The following ZNF749 variants were observed in gnomAD, a reference collection of about 807,000 sequenced individuals.
ZNF749 encodes the protein zinc finger protein 749.
In ZNF749, 8 loss-of-function variants were observed where a neutral mutation model predicts 7.3. That is an observed-to-expected ratio of 1.10 (90% CI 0.64 to 1.98). ZNF749 has a LOEUF of 1.98. ZNF749 is among the 30% of genes most tolerant of loss of function. ZNF749 has a pLI of 0.00. For missense variants in ZNF749, 898 were observed against 932.4 expected, an observed-to-expected ratio of 0.96 and a Z score of 0.48; for synonymous variants, 310 against 322.4, an observed-to-expected ratio of 0.96 and a Z score of 0.41.
In ZNF749 at chr19:57,444,407, G is replaced by GC; in HGVS notation, c.1261dup (p.Leu421ProfsTer4). Reference sequence around the variant, plus strand: ...TGTAGCGAATGTGGGAAAGCCTTTAGCCTCAAACATAATGTTGTTCAGCAT... The same window carrying GC: ...TGTAGCGAATGTGGGAAAGCCTTTAGCCCTCAAACATAATGTTGTTCAGCAT... On this transcript the variant is annotated frameshift_variant, in exon 3 of 3. Coordinates refer to ENST00000334181, the MANE Select transcript of ZNF749 (RefSeq NM_001023561.4). LOFTEE classifies it low-confidence loss of function (END_TRUNC). 6.2e-6 allele frequency: 10 copies of GC among 1,614,038 alleles called. No homozygotes were observed. Among genetic ancestry groups the GC allele is most frequent in the Non-Finnish European group, 8.5e-6 (10 of 1,179,936 alleles).
intron 1 of ZNF749, among the ~76,000 whole-genome samples, chr19:57,440,504 C>T (rs575647322): frequency 5.9e-5 from 9 of 151,994 alleles, no homozygotes; most frequent in Non-Finnish European, 8.8e-5. Context: ...GAACAGGGCT[C>T]GGTGCTGCCC....
Position 57,446,226 on chromosome 19 carries a change from C to T in ZNF749, c.*741C>T, listed in dbSNP as rs2089063811. The stretch of plus-strand genomic sequence containing the variant: ...CATTAGATTCTCATAGCAGCCTGAG[C>T]CCTATTGTGAACTGTGCCTGTGAGG... On this transcript the variant is annotated 3_prime_UTR_variant, in exon 3 of 3. Transcript: ENST00000334181. Among the ~76,000 whole-genome samples, 1 of 152,118 alleles carries T rather than the reference C, an allele frequency of 6.6e-6. No individual in the cohort carries two copies. The highest frequency in any genetic ancestry group is 1.5e-5 in the Non-Finnish European group (1 of 68,034).
At chr19:57,432,436 C>T (rs2088903399), upstream of ZNF749, among the ~76,000 whole-genome samples, 1 of 151,378 alleles carries the variant, frequency 6.6e-6, no homozygotes, top group South Asian at 2.1e-4. Flanking sequence ...GTGGCACGAG[C>T]CTGTAGTCCC....
At position 57,435,504 on chromosome 19, in the gene ZNF749, C is replaced by T; in HGVS notation, c.-75C>T. The T allele has an allele frequency of 6.4e-7, 1 of 1,553,684 alleles. No individual in the cohort carries two copies. Among genetic ancestry groups the T allele is most frequent in the East Asian group, 2.4e-5 (1 of 41,522 alleles). ...TCGGCTGAGTCGGCTGCAGGCGCCC[C>T]TGCCTCCGTCAGCGTCCAGGTGACC... On this transcript the variant is annotated 5_prime_UTR_variant, in exon 1 of 3. Transcript: ENST00000334181.
Position 57,444,011 on chromosome 19 carries a change from A to C in ZNF749, c.863A>C (p.His288Pro). The change falls in exon 3 of 3, where the codon CAT becomes CCT. Residue 288 changes from histidine (H) to proline (P), a missense_variant. Physicochemically the swap from His to Pro is moderately conservative, Grantham distance 77 (BLOSUM62 -2). Coordinates refer to ENST00000334181, the MANE Select transcript of ZNF749 (RefSeq NM_001023561.4). ...TCAAAAAGGTCTGACCCCATTGAACATCAGGAGATTCTCAGTAGACCAACA... is the reference window on the plus strand; with the variant it reads ...TCAAAAAGGTCTGACCCCATTGAACCTCAGGAGATTCTCAGTAGACCAACA... ...FLSKRSDPIEHQEILSRPTPY... is the reference protein window; with the variant it reads ...FLSKRSDPIEPQEILSRPTPY... 2 of 1,613,998 alleles carry C rather than the reference A, an allele frequency of 1.2e-6. No individual in the cohort carries two copies. The highest frequency in any genetic ancestry group is 1.7e-6 in the Non-Finnish European group (2 of 1,179,890).
At position 57,443,297 on chromosome 19, in the gene ZNF749, G is replaced by A. The variant is rs1485034061; in HGVS notation, c.149G>A (p.Trp50Ter). 1.3e-5 allele frequency: 20 copies of A among 1,596,192 alleles called. No individual in the cohort carries two copies. The highest frequency in any genetic ancestry group is 1.7e-5 in the Non-Finnish European group (20 of 1,169,154). The change falls in exon 3 of 3, where the codon TGG becomes TAG. Residue 50 changes from tryptophan to a stop codon, truncating the protein, a stop_gained. Transcript: ENST00000334181. LOFTEE classifies it low-confidence loss of function (END_TRUNC). Reference protein sequence around the residue: ...NFALLSSVGCWHGAKDEEVPS... With the variant: ...NFALLSSVGC ...AGCATTTCTGTTCTTACAGGTTGTTGGCATGGAGCCAAGGATGAGGAGGTA... is the reference window on the plus strand; with the variant it reads ...AGCATTTCTGTTCTTACAGGTTGTTAGCATGGAGCCAAGGATGAGGAGGTA...
chr19:57,441,115 C>CAAAA (rs35321744), intron 1 of ZNF749, among the ~76,000 whole-genome samples: 58 of 71,216 alleles, frequency 8.1e-4, no homozygotes, highest in African/African-American at 3.2e-3. Flanking sequence ...ACTCTTGTCT[C>CAAAA]AAAAAAAAAA....
At position 57,444,785 on chromosome 19, in the gene ZNF749, A is replaced by G. The variant is rs1454689036; in HGVS notation, c.1637A>G (p.His546Arg). Residue 546 changes from histidine to arginine, a missense_variant, in exon 3 of 3, where the codon CAC becomes CGC. By Grantham distance (29) the His-to-Arg change is conservative. Transcript: ENST00000334181. ...AFSKRSDLIQ[H>R]KRIDLRPRPY... ...TCAAAAAGGTCTGACCTCATTCAAC[A>G]CAAGAGGATTGACCTCAGGCCAAGG... 6.2e-7 allele frequency: 1 copy of G among 1,614,074 alleles called. No individual in the cohort carries two copies. The highest frequency in any genetic ancestry group is 8.5e-7 in the Non-Finnish European group (1 of 1,179,954).
rs1340044361 is a variant in ZNF749 at position 57,446,846 on chromosome 19, G to A, written c.*1361G>A. Among the ~76,000 whole-genome samples, 1 of 152,166 alleles carries A rather than the reference G, an allele frequency of 6.6e-6. No individual in the cohort carries two copies. The highest frequency in any genetic ancestry group is 1.5e-5 in the Non-Finnish European group (1 of 68,034). On this transcript the variant is annotated 3_prime_UTR_variant, in exon 3 of 3. Coordinates refer to ENST00000334181, the MANE Select transcript of ZNF749 (RefSeq NM_001023561.4). ...GTAGGTAATTGAAACACAATGATAA[G>A]TAAATGTGTATCTAAACATATCTAA... is the stretch of plus-strand genomic sequence containing the variant.
At chr19:57,432,584 A>AGAG (rs2088904548), upstream of ZNF749, among the ~76,000 whole-genome samples, 1 of 116,580 alleles carries the variant, frequency 8.6e-6, no homozygotes, top group African/African-American at 3.2e-5. Context: ...AAAAAAAAAA[A>AGAG]GGTGGGGGGG....
At chr19:57,438,341 C>T (rs979347382) in intron 1 of ZNF749, 4 of 328,194 alleles carry the variant, frequency 1.2e-5, no homozygotes, top group African/African-American at 8.5e-5. Flanking sequence ...CAGTCGTTAC[C>T]TCCTCCTCCC....
chr19:57,445,193 C>T lies in ZNF749; in HGVS notation c.2045C>T (p.Thr682Ile). 4.3e-6 allele frequency: 7 copies of T among 1,614,106 alleles called. No individual in the cohort carries two copies. Among genetic ancestry groups the T allele is most frequent in the South Asian group, 1.1e-5 (1 of 91,084 alleles). ...NCGKFLRYRSTFIKHHKVCTG... is the reference protein window; with the variant it reads ...NCGKFLRYRSIFIKHHKVCTG... ...GGGAAGTTTCTTAGATACCGCTCTA[C>T]ATTCATTAAACATCATAAAGTTTGC... The change falls in exon 3 of 3, where the codon ACA becomes ATA. Residue 682 changes from threonine (T) to isoleucine (I), a missense_variant. Physicochemically the swap from Thr to Ile is moderately conservative, Grantham distance 89 (BLOSUM62 -1). Transcript: ENST00000334181.
At chr19:57,430,779 C>T (rs1042868766), upstream of ZNF749, among the ~76,000 whole-genome samples, 1 of 152,052 alleles carries the variant, frequency 6.6e-6, no homozygotes, top group African/African-American at 2.4e-5. Context: ...CGGTGGCTCA[C>T]GCCTGTAATC....
upstream of ZNF749, among the ~76,000 whole-genome samples, chr19:57,432,696 G>A (rs2088905697): frequency 6.6e-6 from 1 of 151,676 alleles, no homozygotes; most frequent in Non-Finnish European, 1.5e-5. Flanking sequence ...AAGGTGTGAA[G>A]AGCAAAGCAT....
At chr19:57,437,849 GCTT>G (rs1176971840) in intron 1 of ZNF749, 3 of 383,086 alleles carry the variant, frequency 7.8e-6, no homozygotes, top group Non-Finnish European at 1.4e-5. Flanking sequence ...TACTACTTAT[GCTT>G]CTTGTCAATA....
rs2088941750 is a variant in ZNF749, at chr19:57,436,972, A to AT, written c.15+1381dup. ...CAAGTTGTCCTGAATATACACTTCAATTACCACAGTGACAAGTGTTTGCTT... is the reference window on the plus strand; with the variant it reads ...CAAGTTGTCCTGAATATACACTTCAATTTACCACAGTGACAAGTGTTTGCTT... On this transcript the variant is annotated intron_variant, in intron 1 of 2. Coordinates refer to ENST00000334181, the MANE Select transcript of ZNF749 (RefSeq NM_001023561.4). The surrounding 1 kb of genome is among the most constrained non-coding windows in gnomAD (Gnocchi z 4.0). Among the ~76,000 whole-genome samples, 1 of 152,236 alleles carries AT rather than the reference A, an allele frequency of 6.6e-6. No homozygotes were observed. Among genetic ancestry groups the AT allele is most frequent in the Admixed American group, 6.5e-5 (1 of 15,288 alleles).
rs775534337 is a variant in ZNF749 at position 57,443,526 on chromosome 19, TAG to T, written c.384_385del (p.Lys129AlafsTer5). 6.2e-7 allele frequency: 1 copy of T among 1,614,172 alleles called. No homozygotes were observed. The highest frequency in any genetic ancestry group is 1.7e-5 in the Admixed American group (1 of 60,026). On this transcript the variant is annotated frameshift_variant, in exon 3 of 3. Transcript: ENST00000334181. LOFTEE classifies it low-confidence loss of function (END_TRUNC). ...ATGACCTGCACCAAAAGGAGCAGAT[TAG>T]AGAGAAGCTCACCAGAAGTGATGAG... ...EHDLHQKEQI[R>X]EKLTRSDEWR...
chr19:57,433,153 T>A (rs939671999), upstream of ZNF749, among the ~76,000 whole-genome samples: 10 of 135,642 alleles, frequency 7.4e-5, no homozygotes, highest in South Asian at 2.4e-4. Flanking sequence ...TGTGTGTGTG[T>A]GAAGGGGTTA....
rs751745714 is a variant in ZNF749, at chr19:57,443,994, G to A, written c.846G>A (p.Arg282=). The A allele has an allele frequency of 2.5e-6, 4 of 1,613,710 alleles. No individual in the cohort carries two copies. In the Admixed American group the frequency reaches 6.7e-5, roughly 27 times the overall value. ...ACAGTGAAGGCTTTCTTTCAAAAAG[G>A]TCTGACCCCATTGAACATCAGGAGA... ...KIHSEGFLSK[R]SDPIEHQEIL... Residue 282 remains arginine (R), a synonymous_variant, in exon 3 of 3, where the codon AGG becomes AGA. Coordinates refer to ENST00000334181, the MANE Select transcript of ZNF749 (RefSeq NM_001023561.4).
Sources: gnomAD v4.1 joint callset for allele counts (sites outside exome capture counted in the v4.1 genomes callset) on GRCh38, gnomAD v4.1.1 for gene constraint, Gnocchi (gnomAD v3.1) non-coding constraint, MANE v1.5 for transcripts, NCBI Gene and HGNC (gene_info 2026-07-23, HGNC 2026-07-21) for gene names.